Variants in CNTN4 observed in about 807,000 individuals in gnomAD.
CNTN4 encodes contactin-4.
Under a neutral mutation model 122.5 loss-of-function variants are expected in CNTN4, and 77 were observed. The ratio of observed to expected loss-of-function variants is 0.63; its 90% confidence interval spans 0.52 to 0.76. The LOEUF (loss-of-function observed/expected upper bound fraction) is 0.76. CNTN4 is among the 30% of genes least tolerant of loss of function. The probability of loss-of-function intolerance (pLI) is 0.00; values close to 1 mark genes in which losing one functional copy is unlikely to be tolerated. For synonymous variants in CNTN4, 512 were observed against 447.0 expected (o/e 1.15, Z -1.83); for missense variants, 1,256 against 1,259.1 (o/e 1.00, Z 0.04).
chr3:2,592,546 A>G (rs2080548567), intron 4 of CNTN4, among the ~76,000 whole-genome samples: 1 of 152,138 alleles, frequency 6.6e-6, no homozygotes, highest in Non-Finnish European at 1.5e-5. Flanking sequence ...AATGGGTCTC[A>G]TGAGATCTGA....
chr3:3,043,727 A>C, intron 23 of CNTN4, 23 bp downstream of exon 23: 1 of 1,508,034 alleles, frequency 6.6e-7, no homozygotes, highest in East Asian at 2.3e-5. Flanking sequence ...TTTTTTGCAA[A>C]GGCACCTAAT....
chr3:2,658,775 C>G (rs531308706), intron 4 of CNTN4, among the ~76,000 whole-genome samples: 40 of 152,076 alleles, frequency 2.6e-4, no homozygotes, highest in African/African-American at 9.4e-4. Context: ...AGTGACTTGC[C>G]CAGGCCTGAT....
chr3:2,551,967 C>G (rs953909232), intron 3 of CNTN4, among the ~76,000 whole-genome samples: 4 of 152,122 alleles, frequency 2.6e-5, no homozygotes, highest in Admixed American at 2.6e-4. Context: ...TGTCTTGCTA[C>G]CTGACCGTTA....
intron 2 of CNTN4, among the ~76,000 whole-genome samples, chr3:2,157,752 G>C (rs1389392992): frequency 1.3e-5 from 2 of 152,152 alleles, no homozygotes; most frequent in African/African-American, 4.8e-5. Flanking sequence ...TCATCACTAA[G>C]TTATAGTTTC....
At chr3:2,718,614 G>T (rs9832509) in intron 4 of CNTN4, among the ~76,000 whole-genome samples, 1 of 152,016 alleles carries the variant, frequency 6.6e-6, no homozygotes, top group Admixed American at 6.5e-5. Flanking sequence ...CCTGGGAGTA[G>T]GGAAGGATAG....
intron 2 of CNTN4, among the ~76,000 whole-genome samples, chr3:2,291,192 A>G (rs900276510): frequency 6.6e-6 from 1 of 152,098 alleles, no homozygotes; most frequent in East Asian, 1.9e-4. Flanking sequence ...CTTCCAGCCT[A>G]CCTAACTACA....
At position 3,046,866 on chromosome 3, in the gene CNTN4, G is replaced by A. The variant is rs558330908; in HGVS notation, c.2811+3162G>A. On this transcript the variant is annotated intron_variant, in intron 23 of 24. Transcript: ENST00000418658. The stretch of plus-strand genomic sequence containing the variant: ...TAGAGTCAAGACCCATCAGTGTGCT[G>A]TATTCAGGAAACCTGTCTCACGTGC... 2.4e-4 allele frequency among the ~76,000 whole-genome samples: 34 copies of A among 140,586 alleles called. 4 individuals are homozygous for A. The highest frequency in any genetic ancestry group is 2.1e-3 in the Admixed American group (29 of 14,106). 92.2% of individuals were successfully genotyped at this position (140,586 alleles called of 152,430 possible).
rs79658860 is a variant in CNTN4, at chr3:2,122,715, A to G, written c.-145+22076A>G. ...CTGCAAAGAAATTATCATAATTTAC[A>G]TTCTCAAAACAAGGTTGTCATAATG... is the stretch of plus-strand genomic sequence containing the variant. On this transcript the variant is annotated intron_variant, in intron 2 of 24. Coordinates refer to ENST00000418658, the MANE Select transcript of CNTN4 (RefSeq NM_175607.3). 5.5e-4 allele frequency among the ~76,000 whole-genome samples: 84 copies of G among 152,342 alleles called. 2 individuals carry two copies. The East Asian group carries it at 0.016, about 29-fold the overall frequency.
chr3:2,483,832 T>C (rs1432171701), intron 3 of CNTN4, among the ~76,000 whole-genome samples: 1 of 152,180 alleles, frequency 6.6e-6, no homozygotes, highest in African/African-American at 2.4e-5. Flanking sequence ...AAATACCCAG[T>C]CTCAGGTATT....
At chr3:2,100,211 G>A (rs1350493719) in intron 1 of CNTN4, among the ~76,000 whole-genome samples, 1 of 152,180 alleles carries the variant, frequency 6.6e-6, no homozygotes, top group African/African-American at 2.4e-5. Context: ...AAGGAATGTC[G>A]TGGAACTTTT....
intron 2 of CNTN4, among the ~76,000 whole-genome samples, chr3:2,227,165 CA>C (rs557793435): frequency 6.8e-4 from 103 of 151,118 alleles, no homozygotes; most frequent in Non-Finnish European, 1.3e-3. Context: ...CATGTCATAT[CA>C]AAAAAAAGGA....
At chr3:2,996,225 G>T (rs1334381366) in intron 14 of CNTN4, among the ~76,000 whole-genome samples, 1 of 152,100 alleles carries the variant, frequency 6.6e-6, no homozygotes, top group Non-Finnish European at 1.5e-5. Context: ...ACATGAAAAT[G>T]TGTTAAAGCC....
At chr3:2,694,441 G>T (rs77766825) in intron 4 of CNTN4, among the ~76,000 whole-genome samples, 1,630 of 152,298 alleles carry the variant, frequency 0.011, 24 homozygotes, top group African/African-American at 0.037. Flanking sequence ...ATAAAGGACA[G>T]TCAAGAATTG....
chr3:2,179,808 G>A (rs373828627), intron 2 of CNTN4, among the ~76,000 whole-genome samples: 2 of 151,766 alleles, frequency 1.3e-5, no homozygotes, highest in South Asian at 2.1e-4. Flanking sequence ...TGTGAGCTAC[G>A]TAGCCAAATT....
chr3:2,433,509 A>G (rs1179303623), intron 3 of CNTN4, among the ~76,000 whole-genome samples: 1 of 152,076 alleles, frequency 6.6e-6, no homozygotes, highest in Non-Finnish European at 1.5e-5. Context: ...TGAGTTTCAT[A>G]TATATTTTGG....
intron 2 of CNTN4, among the ~76,000 whole-genome samples, chr3:2,263,169 G>T (rs144958446): frequency 1.4e-4 from 22 of 152,170 alleles, no homozygotes; most frequent in Admixed American, 5.9e-4. Flanking sequence ...GCAGTATTTT[G>T]CTCTCAAACA....
At chr3:2,544,223 G>T (rs988253558) in intron 3 of CNTN4, among the ~76,000 whole-genome samples, 3 of 151,984 alleles carry the variant, frequency 2.0e-5, no homozygotes, top group Non-Finnish European at 2.9e-5. Context: ...AATTATTCAC[G>T]CATCAAGCTT....
intron 6 of CNTN4, 152 bp from the exon 7 acceptor site, chr3:2,819,334 T>C (rs1355592711): frequency 7.4e-6 from 5 of 675,496 alleles, no homozygotes; most frequent in Non-Finnish European, 1.3e-5. Flanking sequence ...TGGGACAATG[T>C]CATATGAAAA....
chr3:2,391,361 C>T (rs142607862), intron 3 of CNTN4, among the ~76,000 whole-genome samples: 219 of 152,268 alleles, frequency 1.4e-3, no homozygotes, highest in African/African-American at 5.1e-3. Context: ...ACTATTTTTA[C>T]AACTGTACTA....
Sources: gnomAD v4.1 joint callset for allele counts (sites outside exome capture counted in the v4.1 genomes callset) on GRCh38, gnomAD v4.1.1 for gene constraint, MANE v1.5 for transcripts, NCBI Gene and HGNC (gene_info 2026-07-23, HGNC 2026-07-21) for gene names.